The following SYNE2 variants were observed in gnomAD, a reference collection of about 807,000 sequenced individuals.
SYNE2 encodes the protein nesprin-2.
SYNE2 carries 431 observed loss-of-function variants against 856.3 expected under a neutral mutation model. The ratio of observed to expected loss-of-function variants is 0.50; its 90% CI spans 0.47 to 0.55. SYNE2 has a LOEUF of 0.55. Among genes scored for constraint, SYNE2 ranks in the 20% least tolerant of loss-of-function variants. The pLI is 0.00. For missense variants in SYNE2, 8,129 were observed against 8,023.2 expected (o/e 1.01, Z -0.50); for synonymous variants, 2,923 against 2,872.3 (o/e 1.02, Z -0.56).
chr14:64,185,523 T>C (rs556919188), intron 96 of SYNE2, among the ~76,000 whole-genome samples: 6 of 138,972 alleles, frequency 4.3e-5, no homozygotes, highest in African/African-American at 1.4e-4. Context: ...CTTTTTCTTT[T>C]TTTTTTTTTT....
At chr14:63,937,724 G>A (rs1476576888) in intron 2 of SYNE2, among the ~76,000 whole-genome samples, 5 of 152,222 alleles carry the variant, frequency 3.3e-5, no homozygotes, top group African/African-American at 1.2e-4. Context: ...TGTTGAGTGG[G>A]TTTCTCCAGC....
intron 2 of SYNE2, among the ~76,000 whole-genome samples, chr14:63,935,783 G>A (rs775937799): frequency 2.6e-5 from 4 of 152,138 alleles, no homozygotes; most frequent in South Asian, 2.1e-4. Context: ...GGAGGCCAAC[G>A]TGGGAAGATC....
intron 1 of SYNE2, among the ~76,000 whole-genome samples, chr14:63,817,650 A>G (rs1439420394): frequency 6.6e-6 from 1 of 152,182 alleles, no homozygotes; most frequent in Non-Finnish European, 1.5e-5. Context: ...TAACAAGACT[A>G]AAAAAGAAAA....
chr14:64,209,425 C>T lies in SYNE2; in HGVS notation c.18390-3C>T. The T allele has an allele frequency of 6.2e-7, 1 of 1,614,228 alleles. No homozygotes were observed. The highest frequency in any genetic ancestry group is 8.5e-7 in the Non-Finnish European group (1 of 1,180,044). On this transcript the variant is annotated splice_polypyrimidine_tract_variant and splice_region_variant and intron_variant, in intron 101 of 115. Transcript: ENST00000555002. ...TTGTGTTAAGTTGCTTTGCTCCCAT[C>T]AGAATCGAGGAGACGTGGCGCCTGT...
chr14:64,017,058 G>A (rs375320098), intron 33 of SYNE2, among the ~76,000 whole-genome samples: 7 of 152,162 alleles, frequency 4.6e-5, no homozygotes, highest in African/African-American at 1.7e-4. Context: ...GACCCAGCAT[G>A]GTGGCTCACA....
chr14:63,858,159 A>C lies in SYNE2; in HGVS notation c.-52+5016A>C, dbSNP rs1892373314. On this transcript the variant is annotated intron_variant, in intron 1 of 115. Transcript: ENST00000555002. ...AAGACACAGTCTCACTCTGTCACCC[A>C]GGCTGGAGTGCAGTGACACAGTCTC... Among the ~76,000 whole-genome samples, 3 of 150,922 alleles carry C rather than the reference A, an allele frequency of 2.0e-5. No homozygotes were observed. The South Asian group carries it at 6.3e-4, about 32-fold the overall frequency.
At chr14:63,837,099 T>C (rs1889883540) in intron 1 of SYNE2, among the ~76,000 whole-genome samples, 1 of 152,236 alleles carries the variant, frequency 6.6e-6, no homozygotes, top group Non-Finnish European at 1.5e-5. Context: ...CAGGAAATTA[T>C]ATAAGATGTA....
At chr14:63,852,116 C>A (rs1003901606), upstream of SYNE2, among the ~76,000 whole-genome samples, 2 of 150,862 alleles carry the variant, frequency 1.3e-5, no homozygotes, top group Non-Finnish European at 3.0e-5. Context: ...AGAGTGAGAC[C>A]CTGTCTAAAA....
chr14:63,867,314 T>C (rs74895718), intron 1 of SYNE2, among the ~76,000 whole-genome samples: 6,316 of 151,396 alleles, frequency 0.042, 430 homozygotes, highest in African/African-American at 0.14. Flanking sequence ...CAGATTAATA[T>C]AGTTACCAAA....
Position 64,190,176 on chromosome 14 carries a change from G to C in SYNE2, c.17977G>C (p.Asp5993His). ...ASNKSRAAEI[D>H]DKLNKINDRW... ...CAACAAATCAAGAGCAGCTGAGATC[G>C]ATGACAAGCTCAACAAAATTAACGA... Residue 5993 changes from aspartate (D) to histidine (H), a missense_variant, in exon 99 of 116, where the codon GAT (aspartate) becomes CAT (histidine). Asp to His is a moderately conservative substitution (Grantham distance 81). Coordinates refer to ENST00000555002, the MANE Select transcript of SYNE2 (RefSeq NM_182914.3). The C allele has an allele frequency of 6.2e-7, 1 of 1,614,072 alleles. No homozygotes were observed. The highest frequency in any genetic ancestry group is 8.5e-7 in the Non-Finnish European group (1 of 1,180,022).
At chr14:63,999,800 C>A (rs533724717) in intron 27 of SYNE2, among the ~76,000 whole-genome samples, 2 of 152,308 alleles carry the variant, frequency 1.3e-5, no homozygotes, top group Middle Eastern at 3.4e-3. Flanking sequence ...TTTCTAGTTT[C>A]TTTTATCTTA....
At chr14:63,951,047 T>C (rs2096148339) in intron 7 of SYNE2, among the ~76,000 whole-genome samples, 1 of 151,964 alleles carries the variant, frequency 6.6e-6, no homozygotes, top group African/African-American at 2.4e-5. Context: ...TGTTTTTTGC[T>C]CTTGGTAGAC....
rs1382749194 is a variant in SYNE2 at position 63,967,694 on chromosome 14, C to G, written c.991-15C>G. 8 of 1,612,756 alleles carry G rather than the reference C, an allele frequency of 5.0e-6. No individual in the cohort carries two copies. The highest frequency in any genetic ancestry group is 1.7e-5 in the Admixed American group (1 of 59,972). On this transcript the variant is annotated splice_polypyrimidine_tract_variant and intron_variant, in intron 10 of 115. Transcript: ENST00000555002. ...TTAAACATTTTCAATCTTTAAAATA[C>G]TCTTCTAATTGCAGAGCCTGCTGTC...
chr14:63,787,267 T>C (rs559407918), intron 1 of SYNE2, among the ~76,000 whole-genome samples: 3 of 152,338 alleles, frequency 2.0e-5, no homozygotes, highest in African/African-American at 7.2e-5. Flanking sequence ...CATTGGGCTG[T>C]TGAAATCTAG....
intron 1 of SYNE2, among the ~76,000 whole-genome samples, chr14:63,806,188 A>T (rs147495592): frequency 0.013 from 1,955 of 152,252 alleles, 26 homozygotes; most frequent in Middle Eastern, 0.041. Flanking sequence ...TTTTAACATG[A>T]AGAGATGTTG....
At position 64,126,526 on chromosome 14, in the gene SYNE2, C is replaced by G. The variant is rs200827784; in HGVS notation, c.13707+47C>G. 201 of 1,614,096 alleles carry G rather than the reference C, an allele frequency of 1.2e-4. 1 individual carries two copies. The East Asian group carries it at 2.1e-3, about 17-fold the overall frequency. On this transcript the variant is annotated intron_variant, in intron 72 of 115. Coordinates refer to ENST00000555002, the MANE Select transcript of SYNE2 (RefSeq NM_182914.3). ...CATGTGTTGGCCATTACAGCAGCCC[C>G]GTGAGTTAAGCCCACGTGGAAGCCT...
chr14:64,026,915 A>G (rs2096984739), intron 42 of SYNE2, among the ~76,000 whole-genome samples, 185 bp downstream of exon 42: 1 of 152,268 alleles, frequency 6.6e-6, no homozygotes, highest in Non-Finnish European at 1.5e-5. Context: ...TCTGCATGGT[A>G]TCACTGTAGA....
intron 1 of SYNE2, among the ~76,000 whole-genome samples, chr14:63,788,677 G>A (rs1488653108): frequency 1.3e-5 from 2 of 152,182 alleles, no homozygotes; most frequent in East Asian, 3.9e-4. Context: ...CCGGCGTCCC[G>A]CTGCCTCCAC....
chr14:63,941,693 A>T lies in SYNE2; in HGVS notation c.142-2A>T. 1.9e-6 allele frequency: 3 copies of T among 1,613,362 alleles called. No homozygotes were observed. Among genetic ancestry groups the T allele is most frequent in the Non-Finnish European group, 2.5e-6 (3 of 1,179,302 alleles). ...GATTATTTTTCTTGTGACCTTCTGC[A>T]GCACACTTCTCCCTCAGTTATATCC... On this transcript the variant is annotated splice_acceptor_variant, in intron 3 of 115. Transcript: ENST00000555002. LOFTEE classifies it high-confidence loss of function.
Sources: gnomAD v4.1 joint callset for allele counts (sites outside exome capture counted in the v4.1 genomes callset) on GRCh38, gnomAD v4.1.1 for gene constraint, MANE v1.5 for transcripts, NCBI Gene and HGNC (gene_info 2026-07-23, HGNC 2026-07-21) for gene names.